The following SCARB1 variants were observed in gnomAD, a reference collection of about 807,000 sequenced individuals.
SCARB1 encodes the protein CD36 and LIMPII analogous 1.
SCARB1 carries 30 observed loss-of-function variants against 57.2 expected under a neutral mutation model. The observed-to-expected ratio is 0.52, with a 90% CI of 0.39 to 0.71. SCARB1 has a LOEUF of 0.71. Ranked by LOEUF, SCARB1 falls within the 30% of genes least tolerant of loss-of-function variation. The probability of loss-of-function intolerance (pLI) is 0.00; values close to 1 mark genes in which losing one functional copy is unlikely to be tolerated. For missense variants in SCARB1, 543 were observed against 671.2 expected, an observed-to-expected ratio of 0.81 and a Z score of 2.11; for synonymous variants, 249 against 268.3, an observed-to-expected ratio of 0.93 and a Z score of 0.70.
intron 1 of SCARB1, among the ~76,000 whole-genome samples, chr12:124,824,026 T>C (rs1027586762): frequency 6.0e-5 from 9 of 150,480 alleles, no homozygotes; most frequent in African/African-American, 1.7e-4. Context: ...ATACAAAAAT[T>C]AGCTGGGCAT....
chr12:124,852,309 C>A (rs975264049), intron 1 of SCARB1, among the ~76,000 whole-genome samples: 11 of 152,232 alleles, frequency 7.2e-5, no homozygotes, highest in African/African-American at 2.7e-4. Flanking sequence ...TCATTGAAAT[C>A]CAGATGGAGT....
chr12:124,863,714 A>T lies in SCARB1; in HGVS notation c.7T>A (p.Cys3Ser). ...GCAGCCCAGCGCGCTTTGGCGGAGCAGCCCATGTCTGCGCGCCTGGGGCCC... is the reference window on the plus strand; with the variant it reads ...GCAGCCCAGCGCGCTTTGGCGGAGCTGCCCATGTCTGCGCGCCTGGGGCCC... MGCSAKARWAAGA... is the reference protein window; with the variant it reads MGSSAKARWAAGA... Residue 3 changes from cysteine to serine, a missense_variant, in exon 1 of 13, where the codon TGC (cysteine) becomes AGC (serine). Transcript: ENST00000261693. The T allele has an allele frequency of 6.6e-7, 1 of 1,504,102 alleles. No homozygotes were observed. Among genetic ancestry groups the T allele is most frequent in the Non-Finnish European group, 8.9e-7 (1 of 1,125,072 alleles). 93.2% of individuals were successfully genotyped at this position (1,504,102 alleles called of 1,614,324 possible).
chr12:124,829,668 C>T (rs539790027), intron 1 of SCARB1, among the ~76,000 whole-genome samples: 1 of 152,310 alleles, frequency 6.6e-6, no homozygotes, highest in Non-Finnish European at 1.5e-5. Flanking sequence ...TCCCCTGATG[C>T]CCACAAAAGT....
At chr12:124,840,434 C>T (rs143476530) in intron 1 of SCARB1, among the ~76,000 whole-genome samples, 17,211 of 152,204 alleles carry the variant, frequency 0.11, 1,296 homozygotes, top group Middle Eastern at 0.24. Context: ...CCTTGGCCTC[C>T]CAAAGTGCTG....
chr12:124,825,738 GCA>G (rs958976732), intron 1 of SCARB1, among the ~76,000 whole-genome samples: 4 of 152,336 alleles, frequency 2.6e-5, no homozygotes, highest in Admixed American at 2.6e-4. Flanking sequence ...CACGGTGGCT[GCA>G]CAGTGAGTAA....
intron 7 of SCARB1, among the ~76,000 whole-genome samples, chr12:124,804,861 T>C (rs1256449261): frequency 6.6e-6 from 1 of 152,182 alleles, no homozygotes. Flanking sequence ...AGAGGGCCGC[T>C]TCCGGTCCTA....
intron 12 of SCARB1, among the ~76,000 whole-genome samples, chr12:124,779,326 G>A (rs1872949108): frequency 6.6e-6 from 1 of 152,216 alleles, no homozygotes; most frequent in Non-Finnish European, 1.5e-5. Context: ...AGGAAAGCCA[G>A]CCACACAGCA....
intron 1 of SCARB1, among the ~76,000 whole-genome samples, chr12:124,856,270 T>G (rs1271256259): frequency 3.3e-5 from 5 of 152,252 alleles, no homozygotes; most frequent in Admixed American, 2.0e-4. Flanking sequence ...TCAACATATG[T>G]AGGCACACAT....
Position 124,796,102 on chromosome 12 carries a change from C to T in SCARB1, c.1129-834G>A, listed in dbSNP as rs914423364. Among the ~76,000 whole-genome samples, 3 of 152,092 alleles carry T rather than the reference C, an allele frequency of 2.0e-5. No homozygotes were observed. The highest frequency in any genetic ancestry group is 1.9e-4 in the East Asian group (1 of 5,178). Reference sequence around the variant, plus strand: ...CCCAGTAGCTGGGACTACAGGTGTGCGCCAGCACACTCGGCTAATTTTTGT... The same window carrying T: ...CCCAGTAGCTGGGACTACAGGTGTGTGCCAGCACACTCGGCTAATTTTTGT... On this transcript the variant is annotated intron_variant, in intron 8 of 12. Coordinates refer to ENST00000261693, the MANE Select transcript of SCARB1 (RefSeq NM_005505.5). This position sits in a 1 kb window ranked among gnomAD's most constrained non-coding sequence, Gnocchi z 4.0.
intron 11 of SCARB1, chr12:124,785,119 T>A (rs1383333162): frequency 6.6e-6 from 1 of 152,266 alleles, no homozygotes; most frequent in Non-Finnish European, 1.5e-5. Flanking sequence ...AGCTGCCCCA[T>A]CCTGTTCAAG....
At position 124,809,603 on chromosome 12, in the gene SCARB1, C is replaced by T. The variant is rs543502113; in HGVS notation, c.842+571G>A. Among the ~76,000 whole-genome samples the T allele has an allele frequency of 2.3e-3, 353 of 152,310 alleles. 3 individuals are homozygous for T. Among genetic ancestry groups the T allele is most frequent in the Middle Eastern group, 6.8e-3 (2 of 294 alleles). The stretch of plus-strand genomic sequence containing the variant: ...CTCTCACTACCGGGCACCTGGCACA[C>T]AGTAGGGCTTCACAGGGTTTGCTGG... On this transcript the variant is annotated intron_variant, in intron 6 of 12. Coordinates refer to ENST00000261693, the MANE Select transcript of SCARB1 (RefSeq NM_005505.5).
intron 1 of SCARB1, among the ~76,000 whole-genome samples, chr12:124,818,178 A>ATATAGT: frequency 6.6e-6 from 1 of 152,212 alleles, no homozygotes; most frequent in East Asian, 1.9e-4. Flanking sequence ...AGGACAGACC[A>ATATAGT]AAAGCCCAGC....
At chr12:124,834,603 G>T (rs761244759) in intron 1 of SCARB1, among the ~76,000 whole-genome samples, 21 of 152,238 alleles carry the variant, frequency 1.4e-4, no homozygotes, top group African/African-American at 2.2e-4. Flanking sequence ...TGTTCGGGCA[G>T]TGGTTCTTGA....
intron 8 of SCARB1, among the ~76,000 whole-genome samples, 188 bp from the exon 9 acceptor site, chr12:124,795,456 G>A (rs781433623): frequency 3.9e-5 from 6 of 152,150 alleles, no homozygotes; most frequent in Non-Finnish European, 5.9e-5. Flanking sequence ...TGCTGGGCAG[G>A]TGCACTGGGA....
chr12:124,800,094 C>T lies in SCARB1; in HGVS notation c.1128+30G>A. 1.3e-6 allele frequency: 2 copies of T among 1,530,292 alleles called. No homozygotes were observed. Among genetic ancestry groups the T allele is most frequent in the Middle Eastern group, 1.8e-4 (1 of 5,480 alleles). The allele number at this position is 1,530,292 out of a possible 1,614,324, so 94.8% of individuals were successfully genotyped here. ...AGGTGTGCTCCAACCAGGAATCACC[C>T]ACCCCCCACAGAGGATGGCAGGGGC... is the stretch of plus-strand genomic sequence containing the variant. On this transcript the variant is annotated intron_variant, in intron 8 of 12. Coordinates refer to ENST00000261693, the MANE Select transcript of SCARB1 (RefSeq NM_005505.5). The surrounding 1 kb of genome is among the most constrained non-coding windows in gnomAD (Gnocchi z 4.8).
At position 124,817,371 on chromosome 12, in the gene SCARB1, A is replaced by AC. The variant is rs1950780022; in HGVS notation, c.284+178_284+179insG. 1.3e-5 allele frequency among the ~76,000 whole-genome samples: 2 copies of AC among 151,012 alleles called. No individual in the cohort carries two copies. Among genetic ancestry groups the AC allele is most frequent in the African/African-American group, 4.9e-5 (2 of 41,154 alleles). Reference sequence around the variant, plus strand: ...CCATCTCTAAAAAAAAAAAAAAAAAAAAAAAAAACCCTAAAACAAAAACTT... The same window carrying AC: ...CCATCTCTAAAAAAAAAAAAAAAAAACAAAAAAAACCCTAAAACAAAAACTT... On this transcript the variant is annotated intron_variant, in intron 2 of 12. Coordinates refer to ENST00000261693, the MANE Select transcript of SCARB1 (RefSeq NM_005505.5). This position sits in a 1 kb window ranked among gnomAD's most constrained non-coding sequence, Gnocchi z 4.8.
chr12:124,843,109 C>CT (rs1459097778), intron 1 of SCARB1, among the ~76,000 whole-genome samples: 1 of 152,196 alleles, frequency 6.6e-6, no homozygotes, highest in Non-Finnish European at 1.5e-5. Context: ...AAGGCTGACT[C>CT]TTTTTCCGTA....
chr12:124,792,692 G>C (rs1435790445), intron 9 of SCARB1, among the ~76,000 whole-genome samples: 1 of 145,468 alleles, frequency 6.9e-6, no homozygotes, highest in East Asian at 2.0e-4. Context: ...ACTGCACTCT[G>C]GCCTGGGTGA....
At chr12:124,833,747 A>G (rs2135753001) in intron 1 of SCARB1, among the ~76,000 whole-genome samples, 1 of 152,298 alleles carries the variant, frequency 6.6e-6, no homozygotes, top group East Asian at 1.9e-4. Context: ...AGGCTTCGCT[A>G]GAAACAAGGT....
Sources: gnomAD v4.1 joint callset for allele counts (sites outside exome capture counted in the v4.1 genomes callset) on GRCh38, gnomAD v4.1.1 for gene constraint, Gnocchi (gnomAD v3.1) non-coding constraint, MANE v1.5 for transcripts, NCBI Gene and HGNC (gene_info 2026-07-23, HGNC 2026-07-21) for gene names.